ST18: variants seen among roughly 807,000 people sequenced by gnomAD.
ST18 encodes ST18 C2H2C-type zinc finger transcription factor.
Under a neutral mutation model 110.0 loss-of-function variants are expected in ST18, and 50 were observed. The ratio of observed to expected loss-of-function variants is 0.45; its 90% confidence interval spans 0.36 to 0.58. ST18 has a LOEUF of 0.58. ST18 is among the 20% of genes least tolerant of loss of function. The pLI, the probability that ST18 is intolerant of heterozygous loss-of-function variation, is 0.00. For synonymous variants in ST18, 461 were observed against 452.4 expected (o/e 1.02, Z -0.24); for missense variants, 1,306 against 1,280.1 (o/e 1.02, Z -0.31).
In ST18 at chr8:52,119,946, G is replaced by A. The variant is rs138266876; in HGVS notation, c.2756-1505C>T. 1.6e-3 allele frequency among the ~76,000 whole-genome samples: 251 copies of A among 152,242 alleles called. 2 individuals carry two copies. The highest frequency in any genetic ancestry group is 5.5e-3 in the African/African-American group (230 of 41,546). ...AAAAGGAAAACAAACCAACATATAAGACTTAGGTACCTTAGTAGTTAGACC... is the reference window on the plus strand; with the variant it reads ...AAAAGGAAAACAAACCAACATATAAAACTTAGGTACCTTAGTAGTTAGACC... On this transcript the variant is annotated intron_variant, in intron 23 of 25. Transcript: ENST00000689386.
chr8:52,170,027 C>T (rs771228468), intron 10 of ST18, among the ~76,000 whole-genome samples: 6 of 152,180 alleles, frequency 3.9e-5, no homozygotes, highest in Admixed American at 6.5e-5. Context: ...TAAGATGTGG[C>T]TCAAATAATT....
chr8:52,386,414 T>C (rs1836790774), intron 2 of ST18, among the ~76,000 whole-genome samples: 1 of 152,012 alleles, frequency 6.6e-6, no homozygotes, highest in Admixed American at 6.6e-5. Context: ...TTTTCTACTT[T>C]CTAAATGAGT....
At chr8:52,228,513 C>T (rs939881577) in intron 3 of ST18, among the ~76,000 whole-genome samples, 1 of 152,054 alleles carries the variant, frequency 6.6e-6, no homozygotes, top group African/African-American at 2.4e-5. Flanking sequence ...TGGCACTCAC[C>T]ATAAGTAAAG....
intron 15 of ST18, among the ~76,000 whole-genome samples, chr8:52,157,972 G>A (rs1312774045): frequency 6.6e-6 from 1 of 152,272 alleles, no homozygotes; most frequent in African/African-American, 2.4e-5. Context: ...TCTCAAGTAA[G>A]TCTAGGCAAC....
chr8:52,284,185 T>C (rs1456303585), intron 2 of ST18, among the ~76,000 whole-genome samples: 1 of 152,134 alleles, frequency 6.6e-6, no homozygotes. Flanking sequence ...AATTCTGGGT[T>C]TTAGGCCCTG....
rs1554582187 is a variant in ST18, at chr8:52,127,975, A to AC, written c.2667-1836_2667-1835insG. Among the ~76,000 whole-genome samples, 365 of 147,862 alleles carry AC rather than the reference A, an allele frequency of 2.5e-3. 2 individuals carry two copies. Among genetic ancestry groups the AC allele is most frequent in the African/African-American group, 8.4e-3 (343 of 40,648 alleles). On this transcript the variant is annotated intron_variant, in intron 22 of 25. Transcript: ENST00000689386. ...CCATTCTATTATGACATATTAAGGG[A>AC]TTTTTTTTTTTTGAGGCGGGGTCTC...
Position 52,164,053 on chromosome 8 carries a change from C to T in ST18, c.1333G>A (p.Ala445Thr). 6.2e-7 allele frequency: 1 copy of T among 1,614,038 alleles called. No individual in the cohort carries two copies. The highest frequency in any genetic ancestry group is 8.5e-7 in the Non-Finnish European group (1 of 1,179,980). The change falls in exon 13 of 26, where the codon GCA becomes ACA. Residue 445 changes from alanine (A) to threonine (T), a missense_variant. Ala to Thr is a moderately conservative substitution (Grantham distance 58). Coordinates refer to ENST00000689386, the MANE Select transcript of ST18 (RefSeq NM_001352837.2). ...GCPIAAAEKL[A>T]MSQDKNQLDS... ...AGCTGATTTTTATCCTGGGACATTG[C>T]CAATTTTTCAGCTGCAGCAATTGGA...
chr8:52,257,753 A>G (rs2094569321), intron 2 of ST18, among the ~76,000 whole-genome samples: 1 of 152,042 alleles, frequency 6.6e-6, no homozygotes, highest in South Asian at 2.1e-4. Flanking sequence ...TTTCACTTTG[A>G]TGTTTTCCTT....
intron 2 of ST18, among the ~76,000 whole-genome samples, chr8:52,326,731 T>C (rs1806607554): frequency 6.6e-6 from 1 of 152,176 alleles, no homozygotes. Flanking sequence ...TCATAAATAC[T>C]GAAAAAGAAT....
intron 2 of ST18, among the ~76,000 whole-genome samples, chr8:52,333,691 C>T (rs1810694649): frequency 6.6e-6 from 1 of 152,176 alleles, no homozygotes; most frequent in African/African-American, 2.4e-5. Flanking sequence ...CTAGTACTTT[C>T]TTTATATTTG....
At chr8:52,137,581 G>C in intron 17 of ST18, 98 bp from the exon 18 acceptor site, 2 of 1,208,748 alleles carry the variant, frequency 1.7e-6, no homozygotes, top group Non-Finnish European at 2.4e-6. Context: ...CTCTGTGCGA[G>C]ATAAGTTAAC....
intron 17 of ST18, among the ~76,000 whole-genome samples, chr8:52,139,561 G>C (rs543967598): frequency 9.1e-4 from 138 of 152,040 alleles, no homozygotes; most frequent in African/African-American, 3.0e-3. Context: ...TCACCATTTT[G>C]GTCAGGCTGG....
intron 2 of ST18, among the ~76,000 whole-genome samples, chr8:52,268,092 C>G (rs1343406984): frequency 2.0e-5 from 3 of 152,230 alleles, no homozygotes; most frequent in Non-Finnish European, 4.4e-5. Flanking sequence ...GTGTCAAATA[C>G]TGAGAAATAT....
rs2075912481 is a variant in ST18 at position 52,195,470 on chromosome 8, CAT to C, written c.87-15160_87-15159del. On this transcript the variant is annotated intron_variant, in intron 8 of 25. Coordinates refer to ENST00000689386, the MANE Select transcript of ST18 (RefSeq NM_001352837.2). ...TTAAAAACTATTAGGAAAAATTAAA[CAT>C]AAATTATCTTATTTTGATCATAAAG... 3.3e-5 allele frequency among the ~76,000 whole-genome samples: 5 copies of C among 151,842 alleles called. No homozygotes were observed. In the South Asian group the frequency reaches 1.0e-3, roughly 32 times the overall value.
At chr8:52,354,301 G>A (rs1821703111) in intron 2 of ST18, among the ~76,000 whole-genome samples, 1 of 152,210 alleles carries the variant, frequency 6.6e-6, no homozygotes, top group Admixed American at 6.5e-5. Flanking sequence ...GGCTCTAGCA[G>A]CAATCAGATG....
intron 22 of ST18, 36 bp from the exon 23 acceptor site, chr8:52,126,176 T>C (rs778595202): frequency 1.3e-6 from 2 of 1,569,656 alleles, no homozygotes; most frequent in Non-Finnish European, 8.7e-7. Context: ...GTATGAAATG[T>C]ATATGATTTC....
chr8:52,349,458 T>C (rs988686072), intron 2 of ST18, among the ~76,000 whole-genome samples: 2 of 152,222 alleles, frequency 1.3e-5, no homozygotes, highest in African/African-American at 2.4e-5. Flanking sequence ...CTCAAAGATG[T>C]TGCATAGAGT....
At chr8:52,175,759 G>T (rs2066675114) in intron 9 of ST18, among the ~76,000 whole-genome samples, 1 of 152,178 alleles carries the variant, frequency 6.6e-6, no homozygotes, top group Admixed American at 6.5e-5. Context: ...CAGAGGGCCA[G>T]GCTTGCTCGA....
At chr8:52,293,366 C>T (rs564238967) in intron 2 of ST18, among the ~76,000 whole-genome samples, 63 of 152,308 alleles carry the variant, frequency 4.1e-4, no homozygotes, top group Admixed American at 1.0e-3. Context: ...AAAGGCTGGG[C>T]GACTTCATGT....
Sources: allele counts gnomAD v4.1 joint callset (sites outside exome capture counted in the v4.1 genomes callset), GRCh38; gene constraint gnomAD v4.1.1; transcripts MANE v1.5; gene names NCBI Gene and HGNC (gene_info 2026-07-23, HGNC 2026-07-21).